The following UNC5B variants were observed in gnomAD, a reference collection of about 807,000 sequenced individuals.
UNC5B encodes the protein unc-5 netrin receptor B.
In UNC5B, 56 loss-of-function variants were observed where a neutral mutation model predicts 103.7. The observed-to-expected ratio is 0.54, with a 90% CI of 0.44 to 0.67. UNC5B has a LOEUF of 0.67. Among genes scored for constraint, UNC5B ranks in the 30% least tolerant of loss-of-function variants. The pLI, the probability that UNC5B is intolerant of heterozygous loss-of-function variation, is 0.00. For synonymous variants in UNC5B, 577 were observed against 542.0 expected, an observed-to-expected ratio of 1.06 and a Z score of -0.90; for missense variants, 1,194 against 1,284.5, an observed-to-expected ratio of 0.93 and a Z score of 1.08.
intron 1 of UNC5B, among the ~76,000 whole-genome samples, chr10:71,235,776 C>T (rs1843764743): frequency 6.6e-6 from 1 of 152,234 alleles, no homozygotes; most frequent in Non-Finnish European, 1.5e-5. Flanking sequence ...GGCTTCAGAC[C>T]AGGCACCATT....
At chr10:71,279,524 CT>C (rs1589189166) in intron 1 of UNC5B, among the ~76,000 whole-genome samples, 5 of 152,230 alleles carry the variant, frequency 3.3e-5, no homozygotes, top group Admixed American at 3.3e-4. Flanking sequence ...ATCGCCTCCC[CT>C]CCCGGGACCT....
At chr10:71,282,563 T>A (rs549815702) in intron 2 of UNC5B, among the ~76,000 whole-genome samples, 1 of 152,158 alleles carries the variant, frequency 6.6e-6, no homozygotes, top group African/African-American at 2.4e-5. Flanking sequence ...CACAGTCTGG[T>A]AAGCAAGGGG....
At chr10:71,270,801 A>C (rs1045862399) in intron 1 of UNC5B, among the ~76,000 whole-genome samples, 8 of 152,138 alleles carry the variant, frequency 5.3e-5, no homozygotes, top group African/African-American at 1.9e-4. Context: ...GCTCAAACTC[A>C]CCCCATGCCA....
At chr10:71,267,500 A>G (rs1388083776) in intron 1 of UNC5B, among the ~76,000 whole-genome samples, 1 of 152,146 alleles carries the variant, frequency 6.6e-6, no homozygotes, top group Non-Finnish European at 1.5e-5. Flanking sequence ...TTACATGGCT[A>G]TGGGGGTAGG....
chr10:71,226,735 A>G (rs10450286), intron 1 of UNC5B, among the ~76,000 whole-genome samples: 68,886 of 152,176 alleles, frequency 0.45, 15,785 homozygotes, highest in Non-Finnish European at 0.49. Flanking sequence ...TGAATTCGCT[A>G]ATATTAATAA....
intron 1 of UNC5B, among the ~76,000 whole-genome samples, chr10:71,255,052 A>G (rs560524700): frequency 2.6e-5 from 4 of 152,232 alleles, no homozygotes; most frequent in African/African-American, 4.8e-5. Flanking sequence ...TACAGGTTTC[A>G]TTTCATGCTC....
intron 10 of UNC5B, 92 bp from the exon 11 acceptor site, chr10:71,292,375 T>C (rs10999763): frequency 0.03 from 33,191 of 1,120,524 alleles, 1,403 homozygotes; most frequent in African/African-American, 0.18. Flanking sequence ...TCAGGAGATA[T>C]CTTTCTCTCC....
At position 71,279,882 on chromosome 10, in the gene UNC5B, G is replaced by C. The variant is rs1407139549; in HGVS notation, c.141G>C (p.Leu47=). Residue 47 remains leucine, a synonymous_variant, in exon 2 of 17, where the codon CTG becomes CTC. Coordinates refer to ENST00000335350, the MANE Select transcript of UNC5B (RefSeq NM_170744.5). ...DSFPSAPAEP[L]PYFLQEPQDA... ...TCCCGTCAGCGCCAGCAGAGCCGCT[G>C]CCCTACTTCCTGCAGGAGCCACAGG... 1.2e-6 allele frequency: 2 copies of C among 1,613,832 alleles called. No individual in the cohort carries two copies. The highest frequency in any genetic ancestry group is 1.7e-6 in the Non-Finnish European group (2 of 1,179,992).
intron 1 of UNC5B, among the ~76,000 whole-genome samples, chr10:71,254,507 G>A (rs574072517): frequency 4.5e-4 from 68 of 152,332 alleles, no homozygotes; most frequent in Non-Finnish European, 8.4e-4. Context: ...GTTTTCTCAC[G>A]AGTCCTGGGA....
chr10:71,213,104 C>A lies in UNC5B; in HGVS notation c.79+40C>A. On this transcript the variant is annotated intron_variant, in intron 1 of 16. Transcript: ENST00000335350. The surrounding 1 kb of genome is among the most constrained non-coding windows in gnomAD (Gnocchi z 4.1). ...GGTCTGGGGGCGCGGGGCTAGGGGA[C>A]CCTTGCGCCTCACTCTGTCCTGAAG... is the stretch of plus-strand genomic sequence containing the variant. 1.6e-6 allele frequency: 2 copies of A among 1,249,732 alleles called. No homozygotes were observed. Among genetic ancestry groups the A allele is most frequent in the South Asian group, 6.5e-5 (2 of 30,740 alleles). 77.4% of individuals were successfully genotyped at this position (1,249,732 alleles called of 1,614,324 possible).
In UNC5B at chr10:71,302,267, G is replaced by T. The variant is rs570400941; in HGVS notation, c.*2990G>T. On this transcript the variant is annotated 3_prime_UTR_variant, in exon 17 of 17. Coordinates refer to ENST00000335350, the MANE Select transcript of UNC5B (RefSeq NM_170744.5). Reference sequence around the variant, plus strand: ...TATTTCTCTCTCTCTCCTCTCTGGGGTGCGTGTGTGCGTGCGCGTGTGCGT... The same window carrying T: ...TATTTCTCTCTCTCTCCTCTCTGGGTTGCGTGTGTGCGTGCGCGTGTGCGT... 11 of 152,210 alleles carry T rather than the reference G, an allele frequency of 7.2e-5. No individual in the cohort carries two copies. The highest frequency in any genetic ancestry group is 1.3e-4 in the Non-Finnish European group (9 of 68,176). The allele number at this position is 152,210 out of a possible 1,614,324, so 9.4% of individuals were successfully genotyped here.
intron 1 of UNC5B, among the ~76,000 whole-genome samples, chr10:71,275,241 A>G (rs371920223): frequency 7.4e-4 from 112 of 152,290 alleles, no homozygotes; most frequent in African/African-American, 2.6e-3. Context: ...TTAGGCCCAA[A>G]CGAGTTCTAC....
rs772722382 is a variant in UNC5B, at chr10:71,212,998, AGCGGAGCTCGGG to A, written c.17_28del (p.Gly6_Gly9del). The stretch of plus-strand genomic sequence containing the variant: ...AGGCCGCGGGAGCATGGGGGCCCGG[AGCGGAGCTCGGG>A]GCGCGCTGCTGCTGGCACTGCTGCT... On this transcript the variant is annotated inframe_deletion, in exon 1 of 17. Transcript: ENST00000335350. 263 of 1,406,320 alleles carry A rather than the reference AGCGGAGCTCGGG, an allele frequency of 1.9e-4. 2 individuals carry two copies. The South Asian group carries it at 2.1e-3, about 11-fold the overall frequency. 87.1% of individuals were successfully genotyped at this position (1,406,320 alleles called of 1,614,324 possible). A position where few individuals can be genotyped will look rare whatever the true frequency, so the allele number is the denominator to read the frequency against.
In UNC5B at chr10:71,291,032, T is replaced by C; in HGVS notation, c.1217T>C (p.Phe406Ser). The change falls in exon 9 of 17, where the codon TTC becomes TCC. Residue 406 changes from phenylalanine to serine, a missense_variant. Physicochemically the swap from Phe to Ser is radical, Grantham distance 155. Coordinates refer to ENST00000335350, the MANE Select transcript of UNC5B (RefSeq NM_170744.5). ...VVVYRRNCRD[F>S]DTDITDSSAA... ...GTGTACCGCCGCAACTGCCGTGACTTCGACACAGACATCACTGACTCATCT... is the reference window on the plus strand; with the variant it reads ...GTGTACCGCCGCAACTGCCGTGACTCCGACACAGACATCACTGACTCATCT... 1.2e-6 allele frequency: 2 copies of C among 1,614,090 alleles called. No homozygotes were observed. The highest frequency in any genetic ancestry group is 1.7e-6 in the Non-Finnish European group (2 of 1,180,006).
In UNC5B at chr10:71,299,129, C is replaced by A. The variant is rs867222655; in HGVS notation, c.2690C>A (p.Ala897Asp). 1 of 1,614,188 alleles carries A rather than the reference C, an allele frequency of 6.2e-7. No homozygotes were observed. Among genetic ancestry groups the A allele is most frequent in the Admixed American group, 1.7e-5 (1 of 60,028 alleles). ...LSMDRYLNYF[A>D]TKASPTGVIL... ...TCTGCCAGGTACCTGAATTACTTTGCCACCAAAGCGAGCCCCACGGGTGTG... is the reference window on the plus strand; with the variant it reads ...TCTGCCAGGTACCTGAATTACTTTGACACCAAAGCGAGCCCCACGGGTGTG... The change falls in exon 17 of 17, where the codon GCC becomes GAC. Residue 897 changes from alanine (A) to aspartate (D), a missense_variant. Coordinates refer to ENST00000335350, the MANE Select transcript of UNC5B (RefSeq NM_170744.5).
intron 1 of UNC5B, among the ~76,000 whole-genome samples, chr10:71,230,588 G>A (rs926606496): frequency 6.6e-6 from 1 of 152,272 alleles, no homozygotes; most frequent in African/African-American, 2.4e-5. Flanking sequence ...CCCTGGGTAT[G>A]TGGGCCTCCC....
intron 1 of UNC5B, among the ~76,000 whole-genome samples, chr10:71,246,899 T>C (rs2132265689): frequency 6.6e-6 from 1 of 152,276 alleles, no homozygotes; most frequent in Admixed American, 6.5e-5. Context: ...CGGTGCTCCC[T>C]GAAGCAGGGA....
At chr10:71,249,836 A>G (rs1380055903) in intron 1 of UNC5B, among the ~76,000 whole-genome samples, 1 of 152,204 alleles carries the variant, frequency 6.6e-6, no homozygotes, top group Non-Finnish European at 1.5e-5. Context: ...GGTCCCTCTT[A>G]GGGGCACTGG....
At chr10:71,239,295 G>C (rs1564711543) in intron 1 of UNC5B, among the ~76,000 whole-genome samples, 1 of 152,178 alleles carries the variant, frequency 6.6e-6, no homozygotes, top group Non-Finnish European at 1.5e-5. Context: ...TTTCTATAAA[G>C]GAACATTAAC....
Sources: gnomAD v4.1 joint callset for allele counts (sites outside exome capture counted in the v4.1 genomes callset) on GRCh38, gnomAD v4.1.1 for gene constraint, Gnocchi (gnomAD v3.1) non-coding constraint, MANE v1.5 for transcripts, NCBI Gene and HGNC (gene_info 2026-07-23, HGNC 2026-07-21) for gene names.